The following MAK variants were observed in gnomAD, a reference collection of about 807,000 sequenced individuals.
MAK encodes the protein male germ cell associated kinase.
A neutral mutation model predicts 82.6 loss-of-function variants in MAK; 65 were observed. The observed-to-expected ratio is 0.79, with a 90% CI of 0.64 to 0.97. MAK has a LOEUF of 0.97. Among genes scored for constraint, MAK ranks in the 50% least tolerant of loss-of-function variants. MAK has a pLI of 0.00. For missense variants in MAK, 703 were observed against 780.2 expected, an observed-to-expected ratio of 0.90 and a Z score of 1.18; for synonymous variants, 250 against 274.2, an observed-to-expected ratio of 0.91 and a Z score of 0.87.
intron 11 of MAK, among the ~76,000 whole-genome samples, chr6:10,778,202 A>C (rs1773628192): frequency 1.3e-5 from 2 of 152,200 alleles, no homozygotes; most frequent in Non-Finnish European, 1.5e-5. Context: ...TTGGAGAAAA[A>C]GTGCTAAACA....
chr6:10,811,445 T>C (rs4379275), intron 5 of MAK, among the ~76,000 whole-genome samples: 84,852 of 152,222 alleles, frequency 0.56, 23,840 homozygotes, highest in Non-Finnish European at 0.61. Context: ...CAGTCAACTG[T>C]TGATTATTCA....
At chr6:10,806,704 G>T (rs12528571) in intron 6 of MAK, among the ~76,000 whole-genome samples, 75,562 of 151,488 alleles carry the variant, frequency 0.5, 20,445 homozygotes, top group Non-Finnish European at 0.61. Flanking sequence ...CGTTGGCCAG[G>T]CTGGTCTCGA....
chr6:10,809,727 A>T (rs988142785), intron 5 of MAK, among the ~76,000 whole-genome samples: 1 of 152,354 alleles, frequency 6.6e-6, no homozygotes, highest in Non-Finnish European at 1.5e-5. Flanking sequence ...CCCAATAATT[A>T]TAATGTTTAT....
At chr6:10,831,689 T>A (rs1309033307) in intron 1 of MAK, among the ~76,000 whole-genome samples, 1 of 152,034 alleles carries the variant, frequency 6.6e-6, no homozygotes, top group Non-Finnish European at 1.5e-5. Context: ...AAGGTTACAG[T>A]GAGCTATGAT....
intron 13 of MAK, among the ~76,000 whole-genome samples, chr6:10,771,289 G>A (rs1433678778): frequency 6.6e-6 from 1 of 152,110 alleles, no homozygotes; most frequent in African/African-American, 2.4e-5. Flanking sequence ...GTAGAGAGGT[G>A]GATGGTAGGA....
chr6:10,773,661 T>C (rs1014151796), intron 12 of MAK, among the ~76,000 whole-genome samples: 8 of 151,880 alleles, frequency 5.3e-5, no homozygotes, highest in African/African-American at 1.9e-4. Context: ...ATTGTAACTA[T>C]AGGCATTTAA....
intron 14 of MAK, 119 bp downstream of exon 14, chr6:10,769,992 G>A (rs1055866592): frequency 2.0e-5 from 32 of 1,576,720 alleles, no homozygotes; most frequent in African/African-American, 4.0e-5. Flanking sequence ...AAAGAAATGC[G>A]TTAATGAGGT....
At chr6:10,815,194 T>C (rs1777371444) in intron 4 of MAK, among the ~76,000 whole-genome samples, 1 of 152,218 alleles carries the variant, frequency 6.6e-6, no homozygotes, top group African/African-American at 2.4e-5. Context: ...TATTTCAACA[T>C]GTAATCAGTA....
Position 10,764,333 on chromosome 6 carries a change from C to A in MAK, c.*119G>T. On this transcript the variant is annotated 3_prime_UTR_variant, in exon 15 of 15. Coordinates refer to ENST00000354489, the MANE Select transcript of MAK (RefSeq NM_001242957.3). ...GATGATTTTTGCCCTTCCAAGTACC[C>A]ACTTTTGCATATTTCTTCCAGAACT... 1.8e-6 allele frequency: 2 copies of A among 1,116,494 alleles called. No homozygotes were observed. Among genetic ancestry groups the A allele is most frequent in the South Asian group, 1.4e-5 (1 of 70,260 alleles). The allele number at this position is 1,116,494 out of a possible 1,614,324, so 69.2% of individuals were successfully genotyped here.
rs1345129056 is a variant in MAK, at chr6:10,763,656, GC to G, written c.*795del. On this transcript the variant is annotated 3_prime_UTR_variant, in exon 15 of 15. Transcript: ENST00000354489. ...GGTCAGGAGTTTGAGACCAGCCTGAGCCTGACCAACATGGTGAAACCCTGTC... is the reference window on the plus strand; with the variant it reads ...GGTCAGGAGTTTGAGACCAGCCTGAGCTGACCAACATGGTGAAACCCTGTC... The G allele has an allele frequency of 6.6e-6, 1 of 151,768 alleles. No individual in the cohort carries two copies. The highest frequency in any genetic ancestry group is 1.9e-4 in the East Asian group (1 of 5,174). The allele number at this position is 151,768 out of a possible 1,614,324, so 9.4% of individuals were successfully genotyped here.
chr6:10,820,887 T>C (rs908268896), intron 2 of MAK, among the ~76,000 whole-genome samples: 14 of 152,190 alleles, frequency 9.2e-5, no homozygotes, highest in African/African-American at 2.9e-4. Context: ...GAAAGAAAAG[T>C]TGATTAATAA....
At chr6:10,765,606 C>T (rs964991492) in intron 14 of MAK, among the ~76,000 whole-genome samples, 2 of 151,888 alleles carry the variant, frequency 1.3e-5, no homozygotes, top group East Asian at 1.9e-4. Context: ...ATTACAGGGG[C>T]GCACCACCAC....
Position 10,817,874 on chromosome 6 carries a change from T to C in MAK, c.254A>G (p.Asn85Ser). ...LYFIFEYMKE[N>S]LYQLMKDRNK... Reference sequence around the variant, plus strand: ...CCTGTCTTTCATTAATTGATAGAGGTTTTCTTTCATATATTCAAATATAAA... The same window carrying C: ...CCTGTCTTTCATTAATTGATAGAGGCTTTCTTTCATATATTCAAATATAAA... The change falls in exon 4 of 15, where the codon AAC (asparagine) becomes AGC (serine). Residue 85 changes from asparagine (N) to serine (S), a missense_variant. Physicochemically the swap from Asn to Ser is conservative, Grantham distance 46. Coordinates refer to ENST00000354489, the MANE Select transcript of MAK (RefSeq NM_001242957.3). 6.8e-7 allele frequency: 1 copy of C among 1,461,806 alleles called. No homozygotes were observed. Among genetic ancestry groups the C allele is most frequent in the South Asian group, 1.1e-5 (1 of 87,170 alleles). 90.6% of individuals were successfully genotyped at this position (1,461,806 alleles called of 1,614,324 possible). A position where few individuals can be genotyped will look rare whatever the true frequency, so the allele number is the denominator to read the frequency against.
intron 2 of MAK, among the ~76,000 whole-genome samples, chr6:10,830,124 CGTGTGTGTGTGT>C (rs35519970): frequency 2.1e-5 from 3 of 141,500 alleles, no homozygotes; most frequent in African/African-American, 8.0e-5. Flanking sequence ...CCTGTGTGCA[CGTGTGTGTGTGT>C]GTGTGTGTGT....
At position 10,817,944 on chromosome 6, in the gene MAK, CAT is replaced by C; in HGVS notation, c.182_183del (p.Asn61SerfsTer3). 1 of 1,422,960 alleles carries C rather than the reference CAT, an allele frequency of 7.0e-7. No homozygotes were observed. Among genetic ancestry groups the C allele is most frequent in the Non-Finnish European group, 9.7e-7 (1 of 1,026,120 alleles). 88.1% of individuals were successfully genotyped at this position (1,422,960 alleles called of 1,614,324 possible). On this transcript the variant is annotated frameshift_variant, in exon 4 of 15. Coordinates refer to ENST00000354489, the MANE Select transcript of MAK (RefSeq NM_001242957.3). LOFTEE classifies it high-confidence loss of function. Reference protein sequence around the residue: ...VKSLKKLNHANVIKLKEVIRE... With the variant: ...VKSLKKLNHAXVIKLKEVIRE... The stretch of plus-strand genomic sequence containing the variant: ...CTGATAACTTCTTTCAATTTAATAA[CAT>C]TGGCATGATTAAGTTTCTTCAGAGA...
At chr6:10,783,875 C>G (rs1561944859) in intron 11 of MAK, among the ~76,000 whole-genome samples, 1 of 152,056 alleles carries the variant, frequency 6.6e-6, no homozygotes, top group Non-Finnish European at 1.5e-5. Context: ...AAAAATTAGC[C>G]AGGCGTGGTG....
Position 10,808,890 on chromosome 6 carries a change from C to T in MAK, c.411G>A (p.Glu137=), listed in dbSNP as rs201804752. 3 of 1,613,776 alleles carry T rather than the reference C, an allele frequency of 1.9e-6. No homozygotes were observed. The highest frequency in any genetic ancestry group is 4.5e-5 in the East Asian group (2 of 44,858). ...KPENLLCMGP[E]LVKIADFGLA... ...GTCCAAAATCAGCAATTTTCACAAG[C>T]TCTGGACCCATACAAAGCAAGTTTT... Residue 137 remains glutamate (E), a synonymous_variant, in exon 6 of 15, where the codon GAG becomes GAA. Coordinates refer to ENST00000354489, the MANE Select transcript of MAK (RefSeq NM_001242957.3).
chr6:10,797,906 A>G, intron 8 of MAK: 1 of 1,273,624 alleles, frequency 7.9e-7, no homozygotes, highest in Non-Finnish European at 1.0e-6. Flanking sequence ...GAGTTTGTTA[A>G]GGGTTACTTG....
intron 10 of MAK, among the ~76,000 whole-genome samples, chr6:10,790,113 A>T (rs1774944463): frequency 6.6e-6 from 1 of 152,192 alleles, no homozygotes; most frequent in African/African-American, 2.4e-5. Context: ...ATGCCATGTA[A>T]GAGTTGAAAT....
Sources: allele counts gnomAD v4.1 joint callset (sites outside exome capture counted in the v4.1 genomes callset), GRCh38; gene constraint gnomAD v4.1.1; transcripts MANE v1.5; gene names NCBI Gene and HGNC (gene_info 2026-07-23, HGNC 2026-07-21).